EFR3B: variants seen among roughly 807,000 people sequenced by gnomAD.
EFR3B encodes the protein EFR3 homolog B, also known as protein EFR3 homolog B.
EFR3B carries 64 observed loss-of-function variants against 104.7 expected under a neutral mutation model. That is an observed-to-expected ratio of 0.61 (90% CI 0.50 to 0.75). EFR3B has a LOEUF of 0.75. Ranked by LOEUF, EFR3B falls within the 30% of genes least tolerant of loss-of-function variation. The probability of loss-of-function intolerance (pLI) is 0.00; values close to 1 mark genes in which losing one functional copy is unlikely to be tolerated. For synonymous variants in EFR3B, 385 were observed against 417.9 expected (o/e 0.92, Z 0.96); for missense variants, 750 against 1,078.5 (o/e 0.70, Z 4.27).
chr2:25,149,434 T>C (rs1453509956), intron 19 of EFR3B, among the ~76,000 whole-genome samples: 3 of 152,098 alleles, frequency 2.0e-5, no homozygotes, highest in African/African-American at 7.2e-5. Context: ...GGGGACAGTG[T>C]GTTCTTTTAT....
intron 1 of EFR3B, among the ~76,000 whole-genome samples, chr2:25,059,584 G>C (rs987419878): frequency 6.7e-5 from 9 of 134,794 alleles, no homozygotes; most frequent in Non-Finnish European, 1.5e-4. Context: ...GGGGGGGGGG[G>C]GGTGGAGATT....
chr2:25,149,267 G>A (rs903929538), intron 19 of EFR3B, among the ~76,000 whole-genome samples: 6 of 152,120 alleles, frequency 3.9e-5, no homozygotes, highest in Admixed American at 3.9e-4. Context: ...AGAATCACTT[G>A]AACCCAGGAG....
chr2:25,087,361 G>GTGTA (rs1360694106), intron 1 of EFR3B, among the ~76,000 whole-genome samples: 1 of 148,826 alleles, frequency 6.7e-6, no homozygotes, highest in Non-Finnish European at 1.5e-5. Context: ...CTTCATATAT[G>GTGTA]TATATATATA....
chr2:25,074,770 C>A (rs1668590611), intron 1 of EFR3B, among the ~76,000 whole-genome samples: 1 of 151,506 alleles, frequency 6.6e-6, no homozygotes, highest in Non-Finnish European at 1.5e-5. Context: ...GGTGCATGCA[C>A]CACATTAGGC....
In EFR3B at chr2:25,137,415, G is replaced by A. The variant is rs1207574485; in HGVS notation, c.1635G>A (p.Ala545=). Residue 545 remains alanine, a synonymous_variant, in exon 15 of 23, where the codon GCG becomes GCA. Transcript: ENST00000403714. The surrounding 1 kb of genome is among the most constrained non-coding windows in gnomAD (Gnocchi z 4.7). The stretch of plus-strand genomic sequence containing the variant: ...CAAACGTGCAGAAACACTACGAGGC[G>A]CTCTATGGCTTGCTGGCCCTCATCA... ...EETNVQKHYE[A]LYGLLALISI... is the part of the protein sequence containing the mutation. 13 of 1,551,744 alleles carry A rather than the reference G, an allele frequency of 8.4e-6. No individual in the cohort carries two copies. The Admixed American group carries it at 1.4e-4, about 16-fold the overall frequency.
At chr2:25,069,208 T>G (rs1000979670) in intron 1 of EFR3B, among the ~76,000 whole-genome samples, 7 of 152,148 alleles carry the variant, frequency 4.6e-5, no homozygotes, top group African/African-American at 1.4e-4. Flanking sequence ...GCGCCTGGCC[T>G]GTACTGGAGT....
intron 5 of EFR3B, among the ~76,000 whole-genome samples, chr2:25,124,493 G>A (rs947989899): frequency 3.9e-5 from 6 of 151,954 alleles, no homozygotes; most frequent in Non-Finnish European, 5.9e-5. Context: ...TTGGGAGGCC[G>A]AGCGGGGCGG....
At chr2:25,057,366 T>G (rs914850180) in intron 1 of EFR3B, among the ~76,000 whole-genome samples, 3 of 151,712 alleles carry the variant, frequency 2.0e-5, no homozygotes, top group African/African-American at 7.3e-5. Flanking sequence ...TCAGATAAGT[T>G]AAATGCCTTA....
chr2:25,089,911 C>T (rs1669066282), intron 1 of EFR3B, among the ~76,000 whole-genome samples: 1 of 152,018 alleles, frequency 6.6e-6, no homozygotes, highest in African/African-American at 2.4e-5. Context: ...TCTTGGTGCC[C>T]CATGGCTACT....
At chr2:25,074,882 G>T (rs567578502) in intron 1 of EFR3B, among the ~76,000 whole-genome samples, 2 of 152,098 alleles carry the variant, frequency 1.3e-5, no homozygotes, top group South Asian at 4.2e-4. Flanking sequence ...CTCCTAAAGT[G>T]CTGGGATTAT....
At chr2:25,147,353 T>C (rs1475314408) in intron 19 of EFR3B, 1 of 152,254 alleles carries the variant, frequency 6.6e-6, no homozygotes, top group East Asian at 1.9e-4. Context: ...CATAGCTCTC[T>C]CTTGCATGTA....
intron 1 of EFR3B, among the ~76,000 whole-genome samples, chr2:25,071,190 G>C (rs901628934): frequency 1.3e-5 from 2 of 151,408 alleles, no homozygotes; most frequent in African/African-American, 4.9e-5. Context: ...TTGATCTCCT[G>C]ACCTCGTGAT....
intron 1 of EFR3B, among the ~76,000 whole-genome samples, chr2:25,064,575 T>C (rs530298578): frequency 4.6e-5 from 7 of 152,340 alleles, no homozygotes; most frequent in African/African-American, 1.4e-4. Flanking sequence ...CTACTCGCTA[T>C]GATGCAAGCT....
intron 2 of EFR3B, among the ~76,000 whole-genome samples, chr2:25,092,017 T>C (rs1669139241): frequency 6.6e-6 from 1 of 152,050 alleles, no homozygotes; most frequent in Non-Finnish European, 1.5e-5. Context: ...GCTGCAGAGC[T>C]GCCTTCGTCC....
In EFR3B at chr2:25,136,413, C is replaced by CT; in HGVS notation, c.1485-109dup. ...GCTGAGAACCAGGGCCAGGGGAGCA[C>CT]TGGAGGCTTTGTACCAACTAACAAT... On this transcript the variant is annotated intron_variant, in intron 13 of 22. Transcript: ENST00000403714. The surrounding 1 kb of genome is among the most constrained non-coding windows in gnomAD (Gnocchi z 4.0). The CT allele has an allele frequency of 1.2e-6, 1 of 830,300 alleles. No individual in the cohort carries two copies. 51.4% of individuals were successfully genotyped at this position (830,300 alleles called of 1,614,324 possible).
intron 5 of EFR3B, among the ~76,000 whole-genome samples, chr2:25,124,976 T>G (rs1670124567): frequency 6.6e-6 from 1 of 150,524 alleles, no homozygotes; most frequent in Non-Finnish European, 1.5e-5. Flanking sequence ...AAGAATCACT[T>G]GAACCTGGGA....
rs1670314070 is a variant in EFR3B, at chr2:25,131,039, G to A, written c.850-329G>A. The stretch of plus-strand genomic sequence containing the variant: ...AGGGGCCCCACTTTAGGCAGCACTG[G>A]ACTAAGCCATGTGGCCTCCCGTGGC... On this transcript the variant is annotated intron_variant, in intron 8 of 22. Coordinates refer to ENST00000403714, the MANE Select transcript of EFR3B (RefSeq NM_014971.2). The surrounding 1 kb of genome is among the most constrained non-coding windows in gnomAD (Gnocchi z 7.6). Among the ~76,000 whole-genome samples, 2 of 152,182 alleles carry A rather than the reference G, an allele frequency of 1.3e-5. No individual in the cohort carries two copies. The highest frequency in any genetic ancestry group is 4.1e-4 in the South Asian group (2 of 4,820).
At chr2:25,134,717 C>T (rs1670474382) in intron 12 of EFR3B, among the ~76,000 whole-genome samples, 1 of 152,160 alleles carries the variant, frequency 6.6e-6, no homozygotes, top group Admixed American at 6.5e-5. Flanking sequence ...ACACTGCCCT[C>T]ATTTAGTTAT....
chr2:25,092,883 G>A (rs952998210), intron 2 of EFR3B, 120 bp from the exon 3 acceptor site: 42 of 1,269,094 alleles, frequency 3.3e-5, no homozygotes, highest in Non-Finnish European at 3.5e-5. Context: ...CATGTGCTCC[G>A]GCACATCCAT....
Sources: gnomAD v4.1 joint callset for allele counts (sites outside exome capture counted in the v4.1 genomes callset) on GRCh38, gnomAD v4.1.1 for gene constraint, Gnocchi (gnomAD v3.1) non-coding constraint, MANE v1.5 for transcripts, NCBI Gene and HGNC (gene_info 2026-07-23, HGNC 2026-07-21) for gene names.